Variants in NRG1 observed in about 807,000 individuals in gnomAD.
NRG1 encodes pro-neuregulin-1, membrane-bound isoform.
Under a neutral mutation model 63.8 loss-of-function variants are expected in NRG1, and 18 were observed. The ratio of observed to expected loss-of-function variants is 0.28; its 90% confidence interval spans 0.19 to 0.42. The LOEUF (loss-of-function observed/expected upper bound fraction) is 0.42. Among genes scored for constraint, NRG1 ranks in the 10% least tolerant of loss-of-function variants. The pLI, the probability that NRG1 is intolerant of heterozygous loss-of-function variation, is 1.00. For synonymous variants in NRG1, 302 were observed against 301.3 expected, an observed-to-expected ratio of 1.00 and a Z score of -0.02; for missense variants, 762 against 814.7, an observed-to-expected ratio of 0.94 and a Z score of 0.79.
chr8:32,668,329 T>G (rs562082984), intron 5 of NRG1, among the ~76,000 whole-genome samples: 1 of 152,336 alleles, frequency 6.6e-6, no homozygotes, highest in East Asian at 1.9e-4. Flanking sequence ...TTTTCTGCTC[T>G]GCGTTGTCAA....
At chr8:32,661,298 G>C (rs1427161840) in intron 5 of NRG1, among the ~76,000 whole-genome samples, 1 of 152,172 alleles carries the variant, frequency 6.6e-6, no homozygotes, top group Non-Finnish European at 1.5e-5. Flanking sequence ...TGTTGCAAAG[G>C]CTTTGAATTC....
chr8:32,609,706 G>C (rs1302766332), intron 3 of NRG1, among the ~76,000 whole-genome samples: 2 of 142,556 alleles, frequency 1.4e-5, no homozygotes, highest in Non-Finnish European at 3.0e-5. Flanking sequence ...GTGTCACCTA[G>C]GCTGGAGTGC....
In NRG1 at chr8:31,730,593, A is replaced by G. The variant is rs866422078; in HGVS notation, c.37+91162A>G. On this transcript the variant is annotated intron_variant, in intron 1 of 10. Transcript: ENST00000519301. Reference sequence around the variant, plus strand: ...TGGCTAGAAATCAAGTTAGATTCCTATCTTACAAGATATGCAAAACATAGA... The same window carrying G: ...TGGCTAGAAATCAAGTTAGATTCCTGTCTTACAAGATATGCAAAACATAGA... 3.2e-4 allele frequency among the ~76,000 whole-genome samples: 49 copies of G among 152,320 alleles called. 1 individual carries two copies. Among genetic ancestry groups the G allele is most frequent in the African/African-American group, 1.0e-3 (43 of 41,586 alleles).
chr8:32,682,914 A>G lies in NRG1; in HGVS notation c.503-45035A>G, dbSNP rs142826462. Among the ~76,000 whole-genome samples the G allele has an allele frequency of 9.1e-4, 138 of 152,290 alleles. 1 individual carries two copies. Among genetic ancestry groups the G allele is most frequent in the African/African-American group, 3.2e-3 (134 of 41,588 alleles). On this transcript the variant is annotated intron_variant, in intron 5 of 11. Coordinates refer to ENST00000356819, the Ensembl canonical transcript of NRG1. ...TCCTAGATAAACTTTGGAACCAAAA[A>G]CAATGTAGCCTAATAACAATGTCAA...
chr8:32,045,889 T>A (rs1599676), intron 1 of NRG1, among the ~76,000 whole-genome samples: 66,578 of 151,542 alleles, frequency 0.44, 17,772 homozygotes, highest in Non-Finnish European at 0.58. Context: ...AGTTAGGGAG[T>A]GAGTTTGGGC....
intron 1 of NRG1, among the ~76,000 whole-genome samples, chr8:31,737,683 A>G (rs1261560246): frequency 6.6e-6 from 1 of 152,134 alleles, no homozygotes; most frequent in Non-Finnish European, 1.5e-5. Flanking sequence ...GAATAATGTA[A>G]ATAACTTGGA....
At chr8:31,832,328 G>A (rs1825248947) in intron 1 of NRG1, among the ~76,000 whole-genome samples, 1 of 148,918 alleles carries the variant, frequency 6.7e-6, no homozygotes. Context: ...GCATGATCAT[G>A]GCTCACTGCA....
rs200985682 is a variant in NRG1 at position 32,743,517 on chromosome 8, G to GTA, written c.691+794_691+795dup. 8.9e-3 allele frequency among the ~76,000 whole-genome samples: 1,265 copies of GTA among 141,852 alleles called. 62 individuals carry two copies. Among genetic ancestry groups the GTA allele is most frequent in the Admixed American group, 0.075 (1,045 of 13,990 alleles). The allele number at this position is 141,852 out of a possible 152,430, so 93.1% of individuals were successfully genotyped here. A position where few individuals can be genotyped will look rare whatever the true frequency, so the allele number is the denominator to read the frequency against. ...TCAACTATAGGATAAATATGTGTTTGTATATATATATGTGTGTGCGTGTAT... is the reference window on the plus strand; with the variant it reads ...TCAACTATAGGATAAATATGTGTTTGTATATATATATATGTGTGTGCGTGTAT... On this transcript the variant is annotated intron_variant, in intron 7 of 11. Transcript: ENST00000356819.
intron 1 of NRG1, among the ~76,000 whole-genome samples, chr8:32,008,279 T>C (rs1421862319): frequency 6.6e-6 from 1 of 151,926 alleles, no homozygotes; most frequent in East Asian, 1.9e-4. Flanking sequence ...ACTCAGACTT[T>C]CCCCCACTGA....
At chr8:32,590,498 C>A (rs2439291) in intron 1 of NRG1, among the ~76,000 whole-genome samples, 91,408 of 151,998 alleles carry the variant, frequency 0.6, 29,818 homozygotes, top group East Asian at 0.83. Context: ...AATTAACAGA[C>A]CTTTTATGCT....
At chr8:32,095,436 TATTA>T (rs139482515) in intron 1 of NRG1, among the ~76,000 whole-genome samples, 2,102 of 152,342 alleles carry the variant, frequency 0.014, 40 homozygotes, top group South Asian at 0.074. Flanking sequence ...ATCTACATGA[TATTA>T]ATTATTGAAA....
chr8:32,292,724 C>T (rs1854347634), intron 1 of NRG1, among the ~76,000 whole-genome samples: 1 of 152,196 alleles, frequency 6.6e-6, no homozygotes, highest in Admixed American at 6.5e-5. Flanking sequence ...AAAGCCAATG[C>T]ATTCCACTAC....
intron 4 of NRG1, among the ~76,000 whole-genome samples, chr8:32,616,396 A>G (rs531210295): frequency 1.6e-4 from 24 of 152,142 alleles, no homozygotes; most frequent in Non-Finnish European, 2.5e-4. Context: ...AAATACTCTC[A>G]ATCTTGTTTG....
intron 1 of NRG1, among the ~76,000 whole-genome samples, chr8:31,816,370 A>C (rs1823445477): frequency 6.6e-6 from 1 of 152,192 alleles, no homozygotes; most frequent in Admixed American, 6.5e-5. Context: ...AGTCACCTGA[A>C]TTCCAGCATG....
At chr8:32,348,923 G>A (rs1805245122) in intron 1 of NRG1, among the ~76,000 whole-genome samples, 1 of 152,186 alleles carries the variant, frequency 6.6e-6, no homozygotes, top group African/African-American at 2.4e-5. Flanking sequence ...CAGACTTTGA[G>A]GACAAGATCC....
intron 1 of NRG1, among the ~76,000 whole-genome samples, chr8:31,642,545 A>G (rs1457748609): frequency 6.6e-6 from 1 of 151,404 alleles, no homozygotes; most frequent in Non-Finnish European, 1.5e-5. Context: ...TGGAGGAATC[A>G]TATTCTATTC....
chr8:31,887,209 T>C (rs1830784517), intron 1 of NRG1, among the ~76,000 whole-genome samples: 1 of 151,944 alleles, frequency 6.6e-6, no homozygotes, highest in Admixed American at 6.6e-5. Context: ...GCAGATGGTT[T>C]TCCCGTGATA....
intron 7 of NRG1, among the ~76,000 whole-genome samples, chr8:32,752,393 T>C (rs928446407): frequency 1.3e-5 from 2 of 152,214 alleles, no homozygotes; most frequent in Non-Finnish European, 2.9e-5. Flanking sequence ...TCACATTCCA[T>C]GTCCTCATCT....
intron 1 of NRG1, among the ~76,000 whole-genome samples, chr8:32,016,442 A>G (rs925495893): frequency 6.6e-6 from 1 of 152,156 alleles, no homozygotes; most frequent in African/African-American, 2.4e-5. Flanking sequence ...TATGTCACTA[A>G]GCCATTTTAA....
Sources: gnomAD v4.1 joint callset for allele counts (sites outside exome capture counted in the v4.1 genomes callset) on GRCh38, gnomAD v4.1.1 for gene constraint, MANE v1.5 for transcripts, NCBI Gene and HGNC (gene_info 2026-07-23, HGNC 2026-07-21) for gene names.